KRABD3: variants seen among roughly 807,000 people sequenced by gnomAD.
KRABD3 encodes KRAB domain containing 3.
chr7:149,725,763 C>T, the KRABD3 span: 44 of 953,414 alleles, frequency 4.6e-5, no homozygotes, highest in Non-Finnish European at 6.4e-5. Context: ...TGAATCAGTG[C>T]CACAGGGAAA....
the KRABD3 span, chr7:149,728,395 G>T: frequency 9.1e-7 from 1 of 1,096,466 alleles, no homozygotes; most frequent in Non-Finnish European, 1.3e-6. Context: ...GGACTGACAC[G>T]TCCAGTGCTC....
At chr7:149,727,845 G>A in the KRABD3 span, among the ~76,000 whole-genome samples, 1 of 152,080 alleles carries the variant, frequency 6.6e-6, no homozygotes, top group African/African-American at 2.4e-5. Context: ...GCCCTTCCTG[G>A]TCTGGAAGGG....
At chr7:149,734,073 T>C in the KRABD3 span, 2 of 1,571,622 alleles carry the variant, frequency 1.3e-6, no homozygotes, top group South Asian at 2.4e-5. Context: ...CCACATCTGC[T>C]CGTTCTTGCC....
At chr7:149,721,679 G>A in the KRABD3 span, 14 of 940,482 alleles carry the variant, frequency 1.5e-5, no homozygotes, top group South Asian at 9.8e-5. Context: ...AACAAAGTAC[G>A]CCAGGGAGCA....
At chr7:149,730,194 A>G in the KRABD3 span, 3 of 1,575,206 alleles carry the variant, frequency 1.9e-6, no homozygotes, top group Non-Finnish European at 2.6e-6. Context: ...GAGCGCCCTG[A>G]GGGGGATCTT....
the KRABD3 span, chr7:149,722,491 C>T: frequency 6.2e-7 from 1 of 1,606,106 alleles, no homozygotes; most frequent in Non-Finnish European, 8.5e-7. Context: ...CCCAGCCCTC[C>T]CACCCATAGC....
chr7:149,730,337 C>T, the KRABD3 span: 3 of 1,542,588 alleles, frequency 1.9e-6, no homozygotes, highest in Non-Finnish European at 2.6e-6. Context: ...AGCCGCTCCC[C>T]CAGGGTGAGC....
At chr7:149,728,298 G>T in the KRABD3 span, among the ~76,000 whole-genome samples, 2 of 152,250 alleles carry the variant, frequency 1.3e-5, no homozygotes, top group African/African-American at 4.8e-5. Flanking sequence ...ACGCCCTCAT[G>T]ACAGCCGCAG....
At chr7:149,719,695 C>T in the KRABD3 span, 35 of 1,589,430 alleles carry the variant, frequency 2.2e-5, no homozygotes, top group Admixed American at 5.6e-5. This position sits in a 1 kb window ranked among gnomAD's most constrained non-coding sequence, Gnocchi z 5.6. Flanking sequence ...GGGAGCAGCA[C>T]GTGTGGCAGG....
chr7:149,718,625 T>G, the KRABD3 span, among the ~76,000 whole-genome samples: 1 of 149,152 alleles, frequency 6.7e-6, no homozygotes, highest in East Asian at 2.0e-4. Context: ...GTCAAGCAAT[T>G]CTCCTGCCTC....
the KRABD3 span, chr7:149,719,761 T>C: frequency 2.1e-6 from 3 of 1,448,768 alleles, no homozygotes; most frequent in Non-Finnish European, 2.8e-6. This position sits in a 1 kb window ranked among gnomAD's most constrained non-coding sequence, Gnocchi z 5.6. Flanking sequence ...AGCCTTAGTC[T>C]TTCCACCTGA....
chr7:149,719,576 C>T, the KRABD3 span: 74 of 1,603,160 alleles, frequency 4.6e-5, no homozygotes, highest in Middle Eastern at 1.7e-4. This position sits in a 1 kb window ranked among gnomAD's most constrained non-coding sequence, Gnocchi z 5.6. Context: ...CTTGGCCGTG[C>T]GGTTCTCGGA....
the KRABD3 span, among the ~76,000 whole-genome samples, chr7:149,727,664 C>A: frequency 2.0e-5 from 3 of 152,240 alleles, no homozygotes; most frequent in Non-Finnish European, 4.4e-5. Flanking sequence ...TATTCGGTAG[C>A]ATGCTTCATG....
chr7:149,718,784 G>A, the KRABD3 span, among the ~76,000 whole-genome samples: 2 of 152,080 alleles, frequency 1.3e-5, no homozygotes, highest in Non-Finnish European at 2.9e-5. Flanking sequence ...CGAAGTGCTG[G>A]GATTACAGGC....
the KRABD3 span, among the ~76,000 whole-genome samples, chr7:149,728,070 T>C: frequency 9.2e-5 from 14 of 152,352 alleles, no homozygotes; most frequent in Non-Finnish European, 2.1e-4. Context: ...GTTTGCAGTG[T>C]GTTTAGTTCT....
At chr7:149,715,004 G>T in the KRABD3 span, 296 of 1,222,360 alleles carry the variant, frequency 2.4e-4, no homozygotes, top group Admixed American at 4.7e-4. Flanking sequence ...GTGCGCCCGC[G>T]CCAGGGCCCG....
chr7:149,719,521 AC>A, the KRABD3 span: 20 of 1,535,074 alleles, frequency 1.3e-5, no homozygotes, highest in East Asian at 1.9e-4. The surrounding 1 kb of genome is among the most constrained non-coding windows in gnomAD (Gnocchi z 5.6). Context: ...GGAACAACCA[AC>A]CCCCCCGGAG....
At chr7:149,730,094 A>G in the KRABD3 span, 1 of 1,444,656 alleles carries the variant, frequency 6.9e-7, no homozygotes, top group Non-Finnish European at 9.1e-7. Context: ...ACTAAGGCAG[A>G]GACCTGGCTC....
chr7:149,726,210 T>C, the KRABD3 span: 45 of 702,826 alleles, frequency 6.4e-5, no homozygotes, highest in African/African-American at 7.7e-4. Context: ...GCGGGACTTA[T>C]CTTGGGTGGG....
Sources: allele counts gnomAD v4.1 joint callset (sites outside exome capture counted in the v4.1 genomes callset), GRCh38; gene constraint gnomAD v4.1.1; non-coding constraint Gnocchi (gnomAD v3.1); transcripts MANE v1.5; gene names NCBI Gene and HGNC (gene_info 2026-07-23, HGNC 2026-07-21).